The following PACSIN2 variants were observed in gnomAD, a reference collection of about 807,000 sequenced individuals.
PACSIN2 encodes the protein protein kinase C and casein kinase substrate in neurons 2.
A neutral mutation model predicts 63.8 loss-of-function variants in PACSIN2; 25 were observed. That is an observed-to-expected ratio of 0.39 (90% CI 0.29 to 0.55). The LOEUF is 0.55. PACSIN2 is among the 20% of genes least tolerant of loss of function. The pLI is 0.62. For synonymous variants in PACSIN2, 255 were observed against 256.2 expected, an observed-to-expected ratio of 1.00 and a Z score of 0.05; for missense variants, 518 against 646.9, an observed-to-expected ratio of 0.80 and a Z score of 2.16.
chr22:42,985,656 A>C (rs2146894057), intron 1 of PACSIN2, among the ~76,000 whole-genome samples: 2 of 151,150 alleles, frequency 1.3e-5, no homozygotes, highest in South Asian at 4.1e-4. Flanking sequence ...TCCAACAGAC[A>C]CACACACAGA....
intron 1 of PACSIN2, among the ~76,000 whole-genome samples, chr22:42,970,036 A>G (rs535321514): frequency 6.6e-6 from 1 of 152,288 alleles, no homozygotes; most frequent in East Asian, 1.9e-4. Context: ...AAATCACAGA[A>G]CCCAAATGCA....
intron 1 of PACSIN2, among the ~76,000 whole-genome samples, chr22:42,917,631 C>CA (rs10715107): frequency 0.022 from 3,321 of 149,132 alleles, 40 homozygotes; most frequent in Non-Finnish European, 0.033. Flanking sequence ...ACCAACCAAA[C>CA]AAAAAAAAAA....
chr22:42,955,942 T>TTAAA (rs1370086748), intron 1 of PACSIN2, among the ~76,000 whole-genome samples: 1 of 152,252 alleles, frequency 6.6e-6, no homozygotes, highest in East Asian at 1.9e-4. Context: ...ATTTATTTTG[T>TTAAA]TAAACTAGCA....
At chr22:42,979,230 A>C (rs1199860845) in intron 1 of PACSIN2, among the ~76,000 whole-genome samples, 2 of 152,196 alleles carry the variant, frequency 1.3e-5, no homozygotes, top group Non-Finnish European at 2.9e-5. Context: ...TTACAGAAAT[A>C]TAGAGATATT....
intron 1 of PACSIN2, among the ~76,000 whole-genome samples, chr22:42,918,356 C>A (rs1931948536): frequency 6.6e-6 from 1 of 152,194 alleles, no homozygotes; most frequent in South Asian, 2.1e-4. Context: ...AAGACTGCTC[C>A]ACCTGGGAGC....
intron 1 of PACSIN2, among the ~76,000 whole-genome samples, chr22:42,950,627 TTACAGTAACA>T (rs1251861083): frequency 6.6e-6 from 1 of 152,202 alleles, no homozygotes; most frequent in African/African-American, 2.4e-5. Context: ...CAAAGTTAGC[TTACAGTAACA>T]TTCAACGCCA....
At chr22:42,935,504 C>T (rs2146787682) in intron 1 of PACSIN2, among the ~76,000 whole-genome samples, 1 of 152,290 alleles carries the variant, frequency 6.6e-6, no homozygotes, top group East Asian at 1.9e-4. Flanking sequence ...TTGCCACCAG[C>T]TGGTGAGCAG....
At chr22:42,876,606 T>TA in intron 9 of PACSIN2, among the ~76,000 whole-genome samples, 1 of 152,330 alleles carries the variant, frequency 6.6e-6, no homozygotes, top group East Asian at 1.9e-4. Context: ...GACTGCGCGT[T>TA]GTCTGTTTTC....
chr22:42,927,250 CT>C (rs11431933), intron 1 of PACSIN2, among the ~76,000 whole-genome samples: 149 of 147,026 alleles, frequency 1.0e-3, no homozygotes, highest in Non-Finnish European at 9.7e-4. Flanking sequence ...CTTCCAGTTA[CT>C]TTTTTTTTTT....
chr22:42,909,583 G>A (rs1931314047), intron 2 of PACSIN2: 2 of 470,956 alleles, frequency 4.2e-6, no homozygotes, highest in African/African-American at 4.0e-5. Flanking sequence ...GTAATTTCAG[G>A]GACAGCATCA....
At chr22:42,941,020 C>T (rs1357511220) in intron 1 of PACSIN2, among the ~76,000 whole-genome samples, 3 of 152,042 alleles carry the variant, frequency 2.0e-5, no homozygotes, top group African/African-American at 7.2e-5. Context: ...CAAAAAGAAA[C>T]CCCACACCCT....
At chr22:42,931,911 CG>C (rs1244963645) in intron 1 of PACSIN2, among the ~76,000 whole-genome samples, 33 of 152,288 alleles carry the variant, frequency 2.2e-4, no homozygotes, top group African/African-American at 7.9e-4. Flanking sequence ...AAAATGAAAA[CG>C]TTTAATGTTT....
At chr22:43,001,686 T>C (rs1353230549) in intron 1 of PACSIN2, among the ~76,000 whole-genome samples, 1 of 152,240 alleles carries the variant, frequency 6.6e-6, no homozygotes, top group African/African-American at 2.4e-5. Context: ...CATTTTGTTG[T>C]GAACATCAGC....
intron 4 of PACSIN2, 116 bp from the exon 5 acceptor site, chr22:42,888,914 C>A (rs1317321113): frequency 1.0e-6 from 1 of 1,002,350 alleles, no homozygotes; most frequent in African/African-American, 1.6e-5. Context: ...AAGGCAGGTA[C>A]AAAATTGTAT....
chr22:43,010,407 T>TTTTTTTA (rs1243585757), intron 1 of PACSIN2, among the ~76,000 whole-genome samples: 35 of 147,966 alleles, frequency 2.4e-4, no homozygotes, highest in Non-Finnish European at 1.6e-4. Context: ...TATTTTTTTT[T>TTTTTTTA]AATTGAAAAT....
intron 4 of PACSIN2, 71 bp downstream of exon 4, chr22:42,890,876 A>C: frequency 2.4e-6 from 3 of 1,240,576 alleles, no homozygotes; most frequent in Non-Finnish European, 3.5e-6. Flanking sequence ...TCCTAGGTGC[A>C]GGAGGTGGTG....
At chr22:42,964,634 G>A (rs558445867) in intron 1 of PACSIN2, among the ~76,000 whole-genome samples, 1 of 152,142 alleles carries the variant, frequency 6.6e-6, no homozygotes, top group East Asian at 1.9e-4. Context: ...CCTGGCACAG[G>A]GCAGGCTCTA....
chr22:42,994,666 C>T (rs771844760), intron 1 of PACSIN2, among the ~76,000 whole-genome samples: 4 of 152,198 alleles, frequency 2.6e-5, no homozygotes, highest in Non-Finnish European at 4.4e-5. Flanking sequence ...GGGAGAGGCA[C>T]AAGTTTTAGG....
chr22:43,000,860 T>C (rs985928083), intron 1 of PACSIN2, among the ~76,000 whole-genome samples: 4 of 152,230 alleles, frequency 2.6e-5, no homozygotes, highest in African/African-American at 9.6e-5. Context: ...TCCAATCACA[T>C]TGACTTTCTT....
Sources: gnomAD v4.1 joint callset for allele counts (sites outside exome capture counted in the v4.1 genomes callset) on GRCh38, gnomAD v4.1.1 for gene constraint, MANE v1.5 for transcripts, NCBI Gene and HGNC (gene_info 2026-07-23, HGNC 2026-07-21) for gene names.